Variants in GATAD2A observed in about 807,000 individuals in gnomAD.
GATAD2A encodes GATA zinc finger domain containing 2A.
In GATAD2A, 12 loss-of-function variants were observed where a neutral mutation model predicts 68.5. The observed-to-expected ratio is 0.18, with a 90% CI of 0.11 to 0.28. The LOEUF (loss-of-function observed/expected upper bound fraction) is 0.28. Ranked by LOEUF, GATAD2A falls within the 10% of genes least tolerant of loss-of-function variation. The pLI is 1.00. For missense variants in GATAD2A, 755 were observed against 868.5 expected, an observed-to-expected ratio of 0.87 and a Z score of 1.64; for synonymous variants, 410 against 375.3, an observed-to-expected ratio of 1.09 and a Z score of -1.07.
intron 1 of GATAD2A, among the ~76,000 whole-genome samples, chr19:19,443,026 C>T (rs2055291515): frequency 6.6e-6 from 1 of 152,148 alleles, no homozygotes; most frequent in Admixed American, 6.5e-5. Context: ...ATGCTCTACA[C>T]CGTCTGCCCT....
intron 1 of GATAD2A, among the ~76,000 whole-genome samples, chr19:19,425,050 A>G (rs2052903553): frequency 6.6e-6 from 1 of 151,374 alleles, no homozygotes; most frequent in Admixed American, 6.6e-5. Context: ...GTTCAAGACT[A>G]GCCTGTGCAA....
chr19:19,474,008 G>A (rs1352592379), intron 2 of GATAD2A: 2 of 982,724 alleles, frequency 2.0e-6, no homozygotes, highest in African/African-American at 1.7e-5. Flanking sequence ...AAATCAGAAA[G>A]TAATGTGATA....
intron 1 of GATAD2A, among the ~76,000 whole-genome samples, chr19:19,464,103 G>C (rs2057684319): frequency 6.6e-6 from 1 of 152,170 alleles, no homozygotes; most frequent in Admixed American, 6.5e-5. Flanking sequence ...GGCTTCCCCA[G>C]GGTGTTTGCC....
chr19:19,460,169 A>G (rs545730671), intron 1 of GATAD2A, among the ~76,000 whole-genome samples: 1 of 152,284 alleles, frequency 6.6e-6, no homozygotes, highest in East Asian at 1.9e-4. Flanking sequence ...GACTCTTAGG[A>G]AGTGGGAGAG....
At chr19:19,488,837 C>T (rs761730280) in intron 2 of GATAD2A, among the ~76,000 whole-genome samples, 7 of 152,256 alleles carry the variant, frequency 4.6e-5, no homozygotes, top group East Asian at 1.9e-4. Flanking sequence ...ATGGGCAGGA[C>T]GGGCTTATGG....
chr19:19,499,667 T>C (rs1387039469), intron 8 of GATAD2A, among the ~76,000 whole-genome samples: 1 of 152,064 alleles, frequency 6.6e-6, no homozygotes, highest in Non-Finnish European at 1.5e-5. Flanking sequence ...CCCCATGTGG[T>C]TGCACCCAGG....
At chr19:19,412,547 G>A (rs867661657) in intron 1 of GATAD2A, among the ~76,000 whole-genome samples, 1 of 151,938 alleles carries the variant, frequency 6.6e-6, no homozygotes, top group Non-Finnish European at 1.5e-5. Flanking sequence ...TGGGAGGATC[G>A]GTTGAGCCTG....
At chr19:19,408,814 CTG>C (rs543467459) in intron 1 of GATAD2A, among the ~76,000 whole-genome samples, 36 of 152,124 alleles carry the variant, frequency 2.4e-4, no homozygotes, top group Non-Finnish European at 4.7e-4. Context: ...GAGAAGGACA[CTG>C]TGACCTGGTG....
Position 19,446,290 on chromosome 19 carries a change from CAG to C in GATAD2A, c.-6-19047_-6-19046del, listed in dbSNP as rs1054066887. On this transcript the variant is annotated intron_variant, in intron 1 of 11. Transcript: ENST00000683918. ...TCCCTCATGACTAATGACACTGAGACAGAGTCTTTTTCACATGCTCATTGGTG... is the reference window on the plus strand; with the variant it reads ...TCCCTCATGACTAATGACACTGAGACAGTCTTTTTCACATGCTCATTGGTG... Among the ~76,000 whole-genome samples the C allele has an allele frequency of 2.4e-4, 37 of 152,164 alleles. 1 individual carries two copies. The highest frequency in any genetic ancestry group is 8.2e-4 in the African/African-American group (34 of 41,434).
intron 1 of GATAD2A, among the ~76,000 whole-genome samples, chr19:19,425,077 A>AC (rs901426712): frequency 6.6e-6 from 1 of 152,106 alleles, no homozygotes. Flanking sequence ...AAAAAAAAAA[A>AC]AAACCCAAAC....
chr19:19,414,001 G>A (rs1184388996), intron 1 of GATAD2A, among the ~76,000 whole-genome samples: 1 of 151,922 alleles, frequency 6.6e-6, no homozygotes, highest in East Asian at 1.9e-4. Context: ...TTAGTGTTGA[G>A]TCTTTTTGTT....
intron 1 of GATAD2A, among the ~76,000 whole-genome samples, chr19:19,389,057 AC>A (rs1400448272): frequency 2.0e-5 from 3 of 152,104 alleles, no homozygotes; most frequent in African/African-American, 7.2e-5. Flanking sequence ...CGTGGCGTTT[AC>A]AAATCTCATA....
chr19:19,403,176 G>A (rs1010429697), upstream of GATAD2A, among the ~76,000 whole-genome samples: 3 of 152,134 alleles, frequency 2.0e-5, no homozygotes, highest in Non-Finnish European at 4.4e-5. Context: ...TTCAGCTTTA[G>A]TATGGCATCT....
At chr19:19,422,483 C>G (rs900608733) in intron 1 of GATAD2A, among the ~76,000 whole-genome samples, 3 of 152,188 alleles carry the variant, frequency 2.0e-5, no homozygotes, top group African/African-American at 7.2e-5. Flanking sequence ...GGTGTCCCTT[C>G]TGTGACATCT....
At chr19:19,499,846 G>T (rs1020821220) in intron 8 of GATAD2A, among the ~76,000 whole-genome samples, 1 of 152,178 alleles carries the variant, frequency 6.6e-6, no homozygotes, top group Non-Finnish European at 1.5e-5. Context: ...TGCCCCAAGG[G>T]CATGGCCTCC....
chr19:19,470,242 C>G (rs559411914), intron 2 of GATAD2A, among the ~76,000 whole-genome samples: 2 of 145,424 alleles, frequency 1.4e-5, no homozygotes, highest in South Asian at 4.5e-4. Context: ...TTCAGTGATT[C>G]TCCTGCCTCA....
intron 2 of GATAD2A, among the ~76,000 whole-genome samples, chr19:19,482,361 G>A (rs1409511701): frequency 6.6e-6 from 1 of 152,128 alleles, no homozygotes; most frequent in Non-Finnish European, 1.5e-5. Context: ...CCAAGATCGC[G>A]CCACTGCACT....
intron 1 of GATAD2A, among the ~76,000 whole-genome samples, chr19:19,442,547 A>G (rs987838274): frequency 5.3e-5 from 8 of 152,178 alleles, no homozygotes; most frequent in Admixed American, 2.0e-4. Flanking sequence ...GAATTGCTTC[A>G]GCCTGGGAGG....
At chr19:19,431,865 GA>G (rs1199029168) in intron 1 of GATAD2A, among the ~76,000 whole-genome samples, 1 of 152,112 alleles carries the variant, frequency 6.6e-6, no homozygotes, top group Non-Finnish European at 1.5e-5. Flanking sequence ...TGGAGTGTGG[GA>G]GGGGTGGTGC....
Sources: allele counts gnomAD v4.1 joint callset (sites outside exome capture counted in the v4.1 genomes callset), GRCh38; gene constraint gnomAD v4.1.1; transcripts MANE v1.5; gene names NCBI Gene and HGNC (gene_info 2026-07-23, HGNC 2026-07-21).